AGMO: variants seen among roughly 807,000 people sequenced by gnomAD.
AGMO encodes the protein alkylglycerol monooxygenase.
A neutral mutation model predicts 60.2 loss-of-function variants in AGMO; 75 were observed. That is an observed-to-expected ratio of 1.25 (90% CI 1.03 to 1.51). The LOEUF (loss-of-function observed/expected upper bound fraction) is 1.51. Ranked by LOEUF, AGMO falls within the 40% of genes most tolerant of loss-of-function variation. The pLI is 0.00. For missense variants in AGMO, 763 were observed against 525.5 expected (o/e 1.45, Z -4.42); for synonymous variants, 261 against 177.1 (o/e 1.47, Z -3.76).
At chr7:15,260,212 G>GA (rs753533328) in intron 12 of AGMO, among the ~76,000 whole-genome samples, 2,386 of 109,880 alleles carry the variant, frequency 0.022, 67 homozygotes, top group African/African-American at 0.065. Context: ...ACAGAGCGAG[G>GA]AAAAAAAAAA....
chr7:15,486,655 A>T (rs1782928912), intron 3 of AGMO, among the ~76,000 whole-genome samples: 1 of 152,226 alleles, frequency 6.6e-6, no homozygotes, highest in Non-Finnish European at 1.5e-5. Flanking sequence ...CACACTGTAC[A>T]TTGTAATAAT....
At chr7:15,439,165 A>G (rs1369467277) in intron 3 of AGMO, among the ~76,000 whole-genome samples, 1 of 152,136 alleles carries the variant, frequency 6.6e-6, no homozygotes, top group East Asian at 1.9e-4. Flanking sequence ...TTGGGAGGCC[A>G]AGGTGGGCAT....
chr7:15,301,729 A>G (rs1281651226), intron 12 of AGMO, among the ~76,000 whole-genome samples: 2 of 152,310 alleles, frequency 1.3e-5, no homozygotes, highest in East Asian at 3.9e-4. Context: ...AATGACTATA[A>G]TAATATTGGA....
intron 3 of AGMO, among the ~76,000 whole-genome samples, chr7:15,495,853 CCTCT>C (rs1034898871): frequency 6.8e-6 from 1 of 146,354 alleles, no homozygotes; most frequent in African/African-American, 2.5e-5. Context: ...CTCTCTCTCT[CCTCT>C]CTCTCTCTCC....
At position 15,307,289 on chromosome 7, in the gene AGMO, T is replaced by TAG. The variant is rs1554410040; in HGVS notation, c.1263+58224_1263+58225insCT. ...GACTTGTCTTCAAAAGCCAAGCCCA[T>TAG]CTATTTGGAAGAAACCTTGAATCAC... On this transcript the variant is annotated intron_variant, in intron 12 of 12. Coordinates refer to ENST00000342526, the MANE Select transcript of AGMO (RefSeq NM_001004320.2). Among the ~76,000 whole-genome samples the TAG allele has an allele frequency of 7.3e-3, 1,108 of 152,120 alleles. 7 individuals are homozygous for TAG. Among genetic ancestry groups the TAG allele is most frequent in the African/African-American group, 0.025 (1,039 of 41,534 alleles).
intron 12 of AGMO, among the ~76,000 whole-genome samples, chr7:15,328,361 T>A (rs1781407672): frequency 6.6e-6 from 1 of 152,164 alleles, no homozygotes; most frequent in Admixed American, 6.5e-5. Flanking sequence ...CCTCTCAAAG[T>A]GCTGGGATTA....
At chr7:15,467,447 T>A (rs1214768197) in intron 3 of AGMO, among the ~76,000 whole-genome samples, 1 of 152,222 alleles carries the variant, frequency 6.6e-6, no homozygotes, top group Non-Finnish European at 1.5e-5. Context: ...AGTTTTGATA[T>A]GGGTGTTCCC....
At chr7:15,423,961 A>G (rs1022154328) in intron 4 of AGMO, among the ~76,000 whole-genome samples, 3 of 152,182 alleles carry the variant, frequency 2.0e-5, no homozygotes, top group Non-Finnish European at 2.9e-5. Flanking sequence ...CAGGAAATTA[A>G]TACACATGCC....
chr7:15,293,374 T>G (rs1784327031), intron 12 of AGMO, among the ~76,000 whole-genome samples: 1 of 152,078 alleles, frequency 6.6e-6, no homozygotes, highest in Admixed American at 6.5e-5. Context: ...CTGATAGATT[T>G]CAGCATATAA....
At chr7:15,222,628 AATT>A (rs1190522685) in intron 12 of AGMO, among the ~76,000 whole-genome samples, 2 of 152,050 alleles carry the variant, frequency 1.3e-5, no homozygotes, top group African/African-American at 4.8e-5. Flanking sequence ...TTGTTAAATA[AATT>A]ATTTTCCCCA....
At chr7:15,557,269 T>C (rs1341045833) in intron 2 of AGMO, among the ~76,000 whole-genome samples, 1 of 152,160 alleles carries the variant, frequency 6.6e-6, no homozygotes, top group Non-Finnish European at 1.5e-5. Flanking sequence ...TTTGGAATTA[T>C]TATCCAAAGC....
intron 5 of AGMO, among the ~76,000 whole-genome samples, chr7:15,412,757 C>G (rs1780651167): frequency 6.7e-6 from 1 of 150,316 alleles, no homozygotes; most frequent in Admixed American, 6.6e-5. Context: ...GGAATATGCC[C>G]TAAGGCTAAA....
chr7:15,235,840 C>G (rs981730328), intron 12 of AGMO, among the ~76,000 whole-genome samples: 4 of 152,112 alleles, frequency 2.6e-5, no homozygotes, highest in African/African-American at 9.7e-5. Flanking sequence ...CAAATGTAAG[C>G]AAGCTAATGT....
rs1341404424 is a variant in AGMO, at chr7:15,531,661, TA to T, written c.409+13110del. ...TATATATAGAAAATATAAATATATA[TA>T]TTTTTTTAGAGGGAGTCTCACTCTA... On this transcript the variant is annotated intron_variant, in intron 3 of 12. Transcript: ENST00000342526. Among the ~76,000 whole-genome samples, 24 of 135,038 alleles carry T rather than the reference TA, an allele frequency of 1.8e-4. 1 individual carries two copies. Among genetic ancestry groups the T allele is most frequent in the South Asian group, 1.3e-3 (6 of 4,620 alleles). 88.6% of individuals were successfully genotyped at this position (135,038 alleles called of 152,430 possible). A position where few individuals can be genotyped will look rare whatever the true frequency, so the allele number is the denominator to read the frequency against.
downstream of AGMO, among the ~76,000 whole-genome samples, chr7:15,199,204 T>C (rs1480420233): frequency 6.6e-6 from 1 of 152,154 alleles, no homozygotes; most frequent in Non-Finnish European, 1.5e-5. Context: ...GTCTGGAACA[T>C]TACCTGTCTG....
chr7:15,368,932 G>A (rs774807416), intron 10 of AGMO, among the ~76,000 whole-genome samples: 1 of 151,988 alleles, frequency 6.6e-6, no homozygotes, highest in Non-Finnish European at 1.5e-5. Context: ...ACTGGTGAAC[G>A]GGCAACTGAA....
chr7:15,277,006 T>C (rs2128516853), intron 12 of AGMO, among the ~76,000 whole-genome samples: 1 of 152,044 alleles, frequency 6.6e-6, no homozygotes, highest in South Asian at 2.1e-4. Flanking sequence ...TCTTACAATC[T>C]AAAGTTTAAA....
At chr7:15,327,740 C>CTTTTTTTTT (rs546851399) in intron 12 of AGMO, among the ~76,000 whole-genome samples, 1 of 88,024 alleles carries the variant, frequency 1.1e-5, no homozygotes, top group Non-Finnish European at 2.1e-5. Context: ...TGATTTCTTT[C>CTTTTTTTTT]TTTTTTTTTT....
intron 12 of AGMO, among the ~76,000 whole-genome samples, chr7:15,339,853 G>A (rs1407802340): frequency 8.5e-5 from 13 of 152,208 alleles, no homozygotes; most frequent in South Asian, 4.1e-4. Flanking sequence ...AGTATCAATC[G>A]TAATTTTTAG....
Sources: allele counts gnomAD v4.1 joint callset (sites outside exome capture counted in the v4.1 genomes callset), GRCh38; gene constraint gnomAD v4.1.1; transcripts MANE v1.5; gene names NCBI Gene and HGNC (gene_info 2026-07-23, HGNC 2026-07-21).